The following CCNY variants were observed in gnomAD, a reference collection of about 807,000 sequenced individuals.
CCNY encodes cyclin-Y.
A neutral mutation model predicts 42.8 loss-of-function variants in CCNY; 19 were observed. The observed-to-expected ratio is 0.44, with a 90% CI of 0.31 to 0.65. The LOEUF (loss-of-function observed/expected upper bound fraction) is 0.65, where lower values mean the gene tolerates loss of function less well. CCNY is among the 30% of genes least tolerant of loss of function. The pLI, the probability that CCNY is intolerant of heterozygous loss-of-function variation, is 0.07. For missense variants in CCNY, 370 were observed against 437.3 expected (o/e 0.85, Z 1.37); for synonymous variants, 165 against 162.7 (o/e 1.01, Z -0.11).
At chr10:35,558,510 A>G (rs1200157019) in intron 8 of CCNY, among the ~76,000 whole-genome samples, 1 of 152,228 alleles carries the variant, frequency 6.6e-6, no homozygotes, top group Non-Finnish European at 1.5e-5. Context: ...TATTCATGAC[A>G]TGGGCTGAAT....
chr10:35,357,764 A>G (rs1339424455), intron 1 of CCNY, among the ~76,000 whole-genome samples: 6 of 152,206 alleles, frequency 3.9e-5, no homozygotes, highest in African/African-American at 1.2e-4. Context: ...TTTCTTATCA[A>G]ACTTTCACTC....
chr10:35,433,008 A>G (rs773466422), intron 1 of CCNY, among the ~76,000 whole-genome samples: 5 of 152,192 alleles, frequency 3.3e-5, no homozygotes, highest in Non-Finnish European at 5.9e-5. Flanking sequence ...CTGAGTGAGC[A>G]TTCAGATTCT....
chr10:35,403,640 C>G (rs1329487480), intron 1 of CCNY, among the ~76,000 whole-genome samples: 2 of 152,154 alleles, frequency 1.3e-5, no homozygotes, highest in Non-Finnish European at 2.9e-5. Flanking sequence ...GTGAGGAAAC[C>G]TCTTTCAGCC....
At chr10:35,263,528 A>G (rs1317851697) in intron 3 of CCNY, among the ~76,000 whole-genome samples, 1 of 151,718 alleles carries the variant, frequency 6.6e-6, no homozygotes, top group African/African-American at 2.4e-5. Flanking sequence ...GTGGCAGAGC[A>G]AAGACCCTGT....
At chr10:35,449,483 C>T (rs1033371378) in intron 1 of CCNY, among the ~76,000 whole-genome samples, 4 of 152,026 alleles carry the variant, frequency 2.6e-5, no homozygotes, top group African/African-American at 9.7e-5. Context: ...GGAGGAGGAA[C>T]TGGAGCACGC....
intron 1 of CCNY, among the ~76,000 whole-genome samples, chr10:35,451,509 G>A (rs569916518): frequency 6.6e-6 from 1 of 152,338 alleles, no homozygotes; most frequent in African/African-American, 2.4e-5. Flanking sequence ...TGAAGGCTAT[G>A]CTGAGTGAGT....
intron 1 of CCNY, among the ~76,000 whole-genome samples, chr10:35,476,724 A>G (rs1358639334): frequency 6.6e-6 from 1 of 151,190 alleles, no homozygotes; most frequent in African/African-American, 2.4e-5. Flanking sequence ...CAATTAAAAG[A>G]ACTAGAAAAG....
At chr10:35,411,237 G>T (rs544312619) in intron 1 of CCNY, among the ~76,000 whole-genome samples, 1 of 152,146 alleles carries the variant, frequency 6.6e-6, no homozygotes, top group Non-Finnish European at 1.5e-5. Context: ...GATAGGCCGG[G>T]TGCGGTGGCT....
chr10:35,433,072 C>T (rs893136250), intron 1 of CCNY, among the ~76,000 whole-genome samples: 2 of 152,108 alleles, frequency 1.3e-5, no homozygotes, highest in Non-Finnish European at 2.9e-5. Flanking sequence ...AGGCTGGGCA[C>T]GGTGGCTCAT....
intron 1 of CCNY, chr10:35,394,837 A>C: frequency 2.0e-6 from 2 of 985,340 alleles, no homozygotes; most frequent in Non-Finnish European, 2.4e-6. Context: ...GGCTGAAAGC[A>C]GGAGAAAGTG....
chr10:35,338,830 T>TA (rs958544624), intron 1 of CCNY, among the ~76,000 whole-genome samples: 4 of 152,348 alleles, frequency 2.6e-5, no homozygotes, highest in Admixed American at 2.6e-4. Context: ...TTACATTTCT[T>TA]AGAGCCAGGC....
At chr10:35,333,317 T>A (rs1164217854), upstream of CCNY, among the ~76,000 whole-genome samples, 1 of 152,194 alleles carries the variant, frequency 6.6e-6, no homozygotes, top group Non-Finnish European at 1.5e-5. Context: ...TGTGGCTAGA[T>A]ACACAGGTTA....
intron 3 of CCNY, among the ~76,000 whole-genome samples, chr10:35,306,780 G>A (rs1835611525): frequency 6.6e-6 from 1 of 151,998 alleles, no homozygotes; most frequent in African/African-American, 2.4e-5. Context: ...ACATCTGCTA[G>A]GAGTCATCCT....
At chr10:35,376,444 G>A (rs1837053891) in intron 1 of CCNY, among the ~76,000 whole-genome samples, 1 of 152,118 alleles carries the variant, frequency 6.6e-6, no homozygotes, top group South Asian at 2.1e-4. Flanking sequence ...AACAAAATGT[G>A]GTATATCCAT....
chr10:35,479,018 C>G (rs1201900956), intron 1 of CCNY, among the ~76,000 whole-genome samples: 1 of 152,188 alleles, frequency 6.6e-6, no homozygotes, highest in Non-Finnish European at 1.5e-5. Flanking sequence ...CTCACCATCA[C>G]TGGCCATCAG....
chr10:35,354,551 G>A (rs1836501650), intron 1 of CCNY, among the ~76,000 whole-genome samples: 1 of 152,192 alleles, frequency 6.6e-6, no homozygotes, highest in Non-Finnish European at 1.5e-5. Context: ...ATAGAATCAA[G>A]TCATTAAGTT....
intron 1 of CCNY, among the ~76,000 whole-genome samples, chr10:35,406,849 G>C (rs543807481): frequency 1.3e-5 from 2 of 151,778 alleles, no homozygotes; most frequent in Middle Eastern, 3.2e-3. Context: ...GCGGCTGGCC[G>C]GGCGGGGGGC....
intron 3 of CCNY, among the ~76,000 whole-genome samples, chr10:35,297,503 G>T (rs1447738525): frequency 6.6e-6 from 1 of 152,140 alleles, no homozygotes; most frequent in Non-Finnish European, 1.5e-5. Context: ...GAGCAATGAG[G>T]CAGGAGGAAG....
intron 1 of CCNY, among the ~76,000 whole-genome samples, chr10:35,467,223 T>C (rs907605401): frequency 2.6e-5 from 4 of 152,266 alleles, no homozygotes; most frequent in African/African-American, 9.6e-5. Context: ...ATAAGGTCTT[T>C]ACACATCTTT....
Sources: allele counts gnomAD v4.1 joint callset (sites outside exome capture counted in the v4.1 genomes callset), GRCh38; gene constraint gnomAD v4.1.1; transcripts MANE v1.5; gene names NCBI Gene and HGNC (gene_info 2026-07-23, HGNC 2026-07-21).